The following DLG2 variants were observed in gnomAD, a reference collection of about 807,000 sequenced individuals.
The protein encoded by DLG2 is discs large MAGUK scaffold protein 2.
Under a neutral mutation model 132.5 loss-of-function variants are expected in DLG2, and 45 were observed. The observed-to-expected ratio is 0.34, with a 90% CI of 0.27 to 0.44. DLG2 has a LOEUF of 0.44. DLG2 is among the 20% of genes least tolerant of loss of function. The pLI is 1.00. For synonymous variants in DLG2, 424 were observed against 419.6 expected (o/e 1.01, Z -0.13); for missense variants, 1,045 against 1,196.9 (o/e 0.87, Z 1.87).
intron 3 of DLG2, among the ~76,000 whole-genome samples, chr11:85,367,861 T>C (rs556563890): frequency 6.6e-6 from 1 of 152,292 alleles, no homozygotes. Flanking sequence ...GTAATTTCCA[T>C]TGCATTTATA....
At chr11:83,638,109 C>T (rs137908575) in intron 18 of DLG2, among the ~76,000 whole-genome samples, 20 of 152,196 alleles carry the variant, frequency 1.3e-4, no homozygotes, top group African/African-American at 2.2e-4. Context: ...CCTAAGCAAA[C>T]GTTTTAGAGG....
At chr11:85,104,735 T>A (rs2071415412) in intron 6 of DLG2, among the ~76,000 whole-genome samples, 1 of 151,572 alleles carries the variant, frequency 6.6e-6, no homozygotes, top group Non-Finnish European at 1.5e-5. Context: ...CCAGAGATAC[T>A]GTTAAAGGAT....
rs569695298 is a variant in DLG2 at position 83,765,640 on chromosome 11, T to A, written c.1825+21050A>T. On this transcript the variant is annotated intron_variant, in intron 18 of 27. Coordinates refer to ENST00000376104, the MANE Select transcript of DLG2 (RefSeq NM_001142699.3). ...TAATGCAGCATTAGAATCCAAGATG[T>A]AGACAGATGTCTCAGACAGACAAAC... Among the ~76,000 whole-genome samples, 389 of 152,342 alleles carry A rather than the reference T, an allele frequency of 2.6e-3. 4 individuals carry two copies. The highest frequency in any genetic ancestry group is 4.2e-3 in the Admixed American group (64 of 15,296).
chr11:85,034,353 G>A (rs1201594710), intron 6 of DLG2, among the ~76,000 whole-genome samples: 2 of 152,242 alleles, frequency 1.3e-5, no homozygotes, highest in East Asian at 3.9e-4. Context: ...GGGATTACAA[G>A]CTTGAGCCAC....
intron 3 of DLG2, among the ~76,000 whole-genome samples, chr11:85,332,574 G>T (rs2081838391): frequency 6.6e-6 from 1 of 152,090 alleles, no homozygotes; most frequent in African/African-American, 2.4e-5. Flanking sequence ...TCTCACAGAG[G>T]TTTTATAGTT....
In DLG2 at chr11:83,528,487, G is replaced by A. The variant is rs950368601; in HGVS notation, c.2193+4221C>T. On this transcript the variant is annotated intron_variant, in intron 21 of 27. Transcript: ENST00000376104. ...CTGCAATTTCCACTATCGTGTTCAT[G>A]CTTTTTCCTATGTATGTGGCAAACT... Among the ~76,000 whole-genome samples, 3 of 152,116 alleles carry A rather than the reference G, an allele frequency of 2.0e-5. No individual in the cohort carries two copies. The East Asian group carries it at 5.8e-4, about 29-fold the overall frequency.
At position 83,743,326 on chromosome 11, in the gene DLG2, C is replaced by A. The variant is rs150617228; in HGVS notation, c.1825+43364G>T. The stretch of plus-strand genomic sequence containing the variant: ...TGTCAGTTTTACTGCAGAAATATCT[C>A]TTCAATCCATTGTCTTCTTTTTCTA... On this transcript the variant is annotated intron_variant, in intron 18 of 27. Transcript: ENST00000376104. Among the ~76,000 whole-genome samples, 82 of 151,848 alleles carry A rather than the reference C, an allele frequency of 5.4e-4. No individual in the cohort carries two copies. The East Asian group carries it at 0.013, about 25-fold the overall frequency.
chr11:85,560,800 G>A (rs2077193319), intron 3 of DLG2, among the ~76,000 whole-genome samples: 3 of 151,850 alleles, frequency 2.0e-5, no homozygotes, highest in African/African-American at 7.2e-5. Context: ...GGGAGGCTGA[G>A]GCAGGAGGAT....
At chr11:84,507,657 T>A (rs2099245323) in intron 7 of DLG2, among the ~76,000 whole-genome samples, 1 of 152,214 alleles carries the variant, frequency 6.6e-6, no homozygotes, top group South Asian at 2.1e-4. Context: ...TGATGCCTAG[T>A]CCGTTGAGAG....
chr11:84,973,172 T>A (rs988270476), intron 6 of DLG2, among the ~76,000 whole-genome samples: 1 of 152,082 alleles, frequency 6.6e-6, no homozygotes, highest in African/African-American at 2.4e-5. Flanking sequence ...TTGGCCAGGC[T>A]GGTCTCGAAC....
chr11:83,510,386 T>C (rs188815733), intron 21 of DLG2, among the ~76,000 whole-genome samples: 6 of 152,248 alleles, frequency 3.9e-5, no homozygotes, highest in South Asian at 2.1e-4. Flanking sequence ...CTAGGAGTGA[T>C]TGAGGGCAAA....
At chr11:85,347,117 T>C (rs937600657) in intron 3 of DLG2, among the ~76,000 whole-genome samples, 3 of 152,140 alleles carry the variant, frequency 2.0e-5, no homozygotes, top group Admixed American at 1.3e-4. Context: ...GTATAATGTA[T>C]ATATTCTTGT....
intron 6 of DLG2, among the ~76,000 whole-genome samples, chr11:84,658,237 A>T (rs1290011526): frequency 2.6e-5 from 4 of 152,136 alleles, no homozygotes; most frequent in Non-Finnish European, 5.9e-5. Context: ...GACCAGATAG[A>T]AGGATCGTGG....
chr11:85,598,487 G>A (rs61180955), intron 3 of DLG2, among the ~76,000 whole-genome samples, 170 bp downstream of exon 3: 8,809 of 151,692 alleles, frequency 0.058, 820 homozygotes, highest in African/African-American at 0.2. Flanking sequence ...CTTATATAAG[G>A]AAAAGGAAAA....
At chr11:84,797,711 G>T (rs2074835158) in intron 6 of DLG2, among the ~76,000 whole-genome samples, 2 of 152,162 alleles carry the variant, frequency 1.3e-5, no homozygotes, top group South Asian at 4.1e-4. Flanking sequence ...GTCACTCTGG[G>T]TTTAGTCACT....
At chr11:85,409,038 G>T (rs1259383995) in intron 3 of DLG2, among the ~76,000 whole-genome samples, 1 of 151,880 alleles carries the variant, frequency 6.6e-6, no homozygotes, top group Non-Finnish European at 1.5e-5. Flanking sequence ...ATTTTACAAA[G>T]AAAATTGAGT....
intron 6 of DLG2, among the ~76,000 whole-genome samples, chr11:84,813,276 C>A (rs1026813811): frequency 3.3e-5 from 5 of 151,904 alleles, no homozygotes; most frequent in African/African-American, 1.2e-4. Context: ...GAGAGGTTGC[C>A]ATTGAGCACT....
At chr11:83,887,304 G>C (rs1245554222) in intron 15 of DLG2, among the ~76,000 whole-genome samples, 1 of 151,992 alleles carries the variant, frequency 6.6e-6, no homozygotes, top group Non-Finnish European at 1.5e-5. Context: ...ACTACCATCA[G>C]AGAATACTAC....
At chr11:83,986,690 T>C (rs1366712605) in intron 11 of DLG2, among the ~76,000 whole-genome samples, 2 of 152,044 alleles carry the variant, frequency 1.3e-5, no homozygotes, top group Non-Finnish European at 2.9e-5. Flanking sequence ...TGTAAAAGTG[T>C]TCCTATTTCT....
Sources: gnomAD v4.1 joint callset for allele counts (sites outside exome capture counted in the v4.1 genomes callset) on GRCh38, gnomAD v4.1.1 for gene constraint, MANE v1.5 for transcripts, NCBI Gene and HGNC (gene_info 2026-07-23, HGNC 2026-07-21) for gene names.